The following DHCR7 variants were observed in gnomAD, a reference collection of about 807,000 sequenced individuals.
DHCR7 encodes 7-dehydrocholesterol reductase.
A neutral mutation model predicts 43.3 loss-of-function variants in DHCR7; 40 were observed. The observed-to-expected ratio is 0.92, with a 90% CI of 0.72 to 1.20. The LOEUF (loss-of-function observed/expected upper bound fraction) is 1.20. Among genes scored for constraint, DHCR7 ranks in the 50% most tolerant of loss-of-function variants. The probability of loss-of-function intolerance (pLI) is 0.00; values close to 1 mark genes in which losing one functional copy is unlikely to be tolerated. For missense variants in DHCR7, 608 were observed against 644.6 expected (o/e 0.94, Z 0.62); for synonymous variants, 298 against 271.4 (o/e 1.10, Z -0.96).
chr11:71,429,718 G>T (rs1949219070), downstream of DHCR7, among the ~76,000 whole-genome samples: 1 of 152,150 alleles, frequency 6.6e-6, no homozygotes, highest in South Asian at 2.1e-4. Flanking sequence ...CAGGACAAAG[G>T]CATGGCTGGA....
downstream of DHCR7, among the ~76,000 whole-genome samples, chr11:71,432,274 G>A (rs955682227): frequency 1.3e-5 from 2 of 152,218 alleles, no homozygotes; most frequent in Admixed American, 6.5e-5. Context: ...GTTGACCTTG[G>A]TGATGCTGGG....
chr11:71,437,769 T>A, intron 8 of DHCR7, 43 bp downstream of exon 8: 1 of 1,612,610 alleles, frequency 6.2e-7, no homozygotes, highest in South Asian at 1.1e-5. Context: ...TTAGCATGTG[T>A]CTGCCAAATG....
chr11:71,441,476 C>T (rs1949347953), intron 5 of DHCR7, 36 bp from the exon 6 acceptor site: 3 of 1,547,348 alleles, frequency 1.9e-6, no homozygotes, highest in South Asian at 2.3e-5. Context: ...AGGCGCTTTC[C>T]CAACCCGCAG....
intron 7 of DHCR7, 54 bp downstream of exon 7, chr11:71,438,825 T>TC: frequency 6.3e-7 from 1 of 1,581,990 alleles, no homozygotes; most frequent in Non-Finnish European, 8.7e-7. Flanking sequence ...GCTTGCGGGT[T>TC]CCCCCAGAGC....
At chr11:71,432,044 T>A (rs1949230917), downstream of DHCR7, among the ~76,000 whole-genome samples, 1 of 152,222 alleles carries the variant, frequency 6.6e-6, no homozygotes, top group Non-Finnish European at 1.5e-5. Context: ...CTGGATGGTT[T>A]CAAACTCCTG....
chr11:71,445,230 C>T (rs369820774), intron 2 of DHCR7, among the ~76,000 whole-genome samples: 3 of 152,274 alleles, frequency 2.0e-5, no homozygotes, highest in Admixed American at 6.5e-5. Context: ...AATGCCCCCC[C>T]TCTTACAGCA....
At chr11:71,440,623 G>A (rs906570454) in intron 6 of DHCR7, among the ~76,000 whole-genome samples, 6 of 150,470 alleles carry the variant, frequency 4.0e-5, no homozygotes, top group Non-Finnish European at 7.4e-5. Flanking sequence ...GGATGTGGGT[G>A]ATGGATAGGT....
downstream of DHCR7, among the ~76,000 whole-genome samples, chr11:71,431,357 C>T (rs1949226786): frequency 6.6e-6 from 1 of 152,206 alleles, no homozygotes; most frequent in Non-Finnish European, 1.5e-5. Context: ...CTGTCTTTGG[C>T]TTGGAGGTGG....
intron 5 of DHCR7, among the ~76,000 whole-genome samples, chr11:71,442,022 G>C (rs1361636688): frequency 6.6e-6 from 1 of 152,214 alleles, no homozygotes; most frequent in African/African-American, 2.4e-5. Flanking sequence ...CCCTGCTATG[G>C]GGCTGGGAAG....
chr11:71,433,369 C>T (rs115509388), downstream of DHCR7, among the ~76,000 whole-genome samples: 389 of 152,300 alleles, frequency 2.6e-3, 2 homozygotes, highest in African/African-American at 8.8e-3. Flanking sequence ...AGAGCCTGGG[C>T]CACAGCCTTG....
At position 71,437,892 on chromosome 11, in the gene DHCR7, T is replaced by C. The variant is rs201574502; in HGVS notation, c.883A>G (p.Ile295Val). 3 of 1,613,974 alleles carry C rather than the reference T, an allele frequency of 1.9e-6. No individual in the cohort carries two copies. The highest frequency in any genetic ancestry group is 2.2e-5 in the East Asian group (1 of 44,872). ...CCGAAGTGGTCATGGCAGATGTCAATGGTCTTCAGGTACCAGGTTTCGTTC... is the reference window on the plus strand; with the variant it reads ...CCGAAGTGGTCATGGCAGATGTCAACGGTCTTCAGGTACCAGGTTTCGTTC... The part of the protein sequence containing the change: ...FWNETWYLKT[I>V]DICHDHFGWY... The change falls in exon 8 of 9, where the codon ATT becomes GTT. Residue 295 changes from isoleucine to valine, a missense_variant. Physicochemically the swap from Ile to Val is conservative, Grantham distance 29. Transcript: ENST00000355527.
At chr11:71,433,857 C>T (rs1949243494), downstream of DHCR7, among the ~76,000 whole-genome samples, 2 of 152,236 alleles carry the variant, frequency 1.3e-5, no homozygotes, top group Non-Finnish European at 2.9e-5. Context: ...GCACGGGACC[C>T]CTCAGGCCCA....
rs117229929 is a variant in DHCR7, at chr11:71,441,040, G to A, written c.626+187C>T. Among the ~76,000 whole-genome samples the A allele has an allele frequency of 1.8e-3, 275 of 152,340 alleles. 2 individuals are homozygous for A. Among genetic ancestry groups the A allele is most frequent in the South Asian group, 0.012 (56 of 4,826 alleles). ...CCATCTTCAGCTGCATTCTTGCCAA[G>A]GCTGGAGAAGCCACCAAACATTCAG... On this transcript the variant is annotated intron_variant, in intron 6 of 8. Transcript: ENST00000355527.
Position 71,444,015 on chromosome 11 carries a change from T to C in DHCR7, c.299A>G (p.Tyr100Cys). The C allele has an allele frequency of 3.1e-6, 5 of 1,612,734 alleles. No homozygotes were observed. The highest frequency in any genetic ancestry group is 4.2e-6 in the Non-Finnish European group (5 of 1,179,410). Reference sequence around the variant, plus strand: ...GACCTGGAAGGTGACCCACAAGGTATAGAGCTGGGCGGCTTTCCTCGTTAT... The same window carrying C: ...GACCTGGAAGGTGACCCACAAGGTACAGAGCTGGGCGGCTTTCCTCGTTAT... ...PPITRKAAQL[Y>C]TLWVTFQVLL... The change falls in exon 4 of 9, where the codon TAT becomes TGT. Residue 100 changes from tyrosine (Y) to cysteine (C), a missense_variant. Tyr to Cys is a radical substitution (Grantham distance 194). Transcript: ENST00000355527.
At chr11:71,433,822 C>G (rs1443453623), downstream of DHCR7, among the ~76,000 whole-genome samples, 5 of 152,244 alleles carry the variant, frequency 3.3e-5, no homozygotes, top group African/African-American at 1.2e-4. Flanking sequence ...TTGAATCACT[C>G]TTGTGGTGTG....
chr11:71,427,995 T>C (rs980735568), downstream of DHCR7, among the ~76,000 whole-genome samples: 4 of 152,090 alleles, frequency 2.6e-5, no homozygotes, highest in African/African-American at 9.7e-5. Context: ...TCAATTAGAG[T>C]GGTGAGAACC....
chr11:71,444,750 T>G (rs1591114037), intron 3 of DHCR7, 105 bp downstream of exon 3: 2 of 1,034,350 alleles, frequency 1.9e-6, no homozygotes, highest in East Asian at 4.8e-5. Context: ...AAAAAATCTT[T>G]TTTAAAAAGG....
At chr11:71,444,442 G>A (rs1269568776) in intron 3 of DHCR7, among the ~76,000 whole-genome samples, 1 of 152,184 alleles carries the variant, frequency 6.6e-6, no homozygotes, top group African/African-American at 2.4e-5. Context: ...CCCCATGGAA[G>A]GCCCAGAGCT....
At chr11:71,443,036 A>G (rs1258284866) in intron 4 of DHCR7, among the ~76,000 whole-genome samples, 1 of 152,176 alleles carries the variant, frequency 6.6e-6, no homozygotes, top group Non-Finnish European at 1.5e-5. Context: ...TATTGCATAT[A>G]AAGGGAACCA....
Sources: gnomAD v4.1 joint callset for allele counts (sites outside exome capture counted in the v4.1 genomes callset) on GRCh38, gnomAD v4.1.1 for gene constraint, MANE v1.5 for transcripts, NCBI Gene and HGNC (gene_info 2026-07-23, HGNC 2026-07-21) for gene names.